The following APBA2 variants were observed in gnomAD, a reference collection of about 807,000 sequenced individuals.
APBA2 encodes amyloid beta precursor protein binding family A member 2.
APBA2 carries 30 observed loss-of-function variants against 75.0 expected under a neutral mutation model. That is an observed-to-expected ratio of 0.40 (90% confidence interval 0.30 to 0.54). APBA2 has a LOEUF of 0.54. APBA2 is among the 20% of genes least tolerant of loss of function. The pLI is 0.49. For synonymous variants in APBA2, 444 were observed against 409.6 expected, an observed-to-expected ratio of 1.08 and a Z score of -1.01; for missense variants, 801 against 1,016.1, an observed-to-expected ratio of 0.79 and a Z score of 2.88.
At chr15:29,016,295 C>T (rs915596051) in intron 3 of APBA2, among the ~76,000 whole-genome samples, 1 of 152,182 alleles carries the variant, frequency 6.6e-6, no homozygotes, top group South Asian at 2.1e-4. Context: ...ACATATCTAC[C>T]TCTGGTCAAC....
At chr15:28,889,530 A>G (rs1454472582) in intron 1 of APBA2, among the ~76,000 whole-genome samples, 8 of 152,206 alleles carry the variant, frequency 5.3e-5, no homozygotes, top group Admixed American at 4.6e-4. Context: ...CTTGCTCCCA[A>G]GAATGGCCCC....
At chr15:28,933,719 C>T (rs768380919) in intron 2 of APBA2, among the ~76,000 whole-genome samples, 5 of 152,212 alleles carry the variant, frequency 3.3e-5, no homozygotes, top group Admixed American at 6.5e-5. Flanking sequence ...CGACAGGTTG[C>T]GTGCTTGGCC....
chr15:29,071,110 A>G (rs1197568242), intron 4 of APBA2: 2 of 455,796 alleles, frequency 4.4e-6, no homozygotes, highest in Non-Finnish European at 8.8e-6. Context: ...GTGAGTGTGC[A>G]CTAGTTTGGT....
intron 3 of APBA2, among the ~76,000 whole-genome samples, chr15:29,022,904 A>G (rs1032593413): frequency 2.6e-5 from 4 of 152,012 alleles, no homozygotes; most frequent in African/African-American, 9.7e-5. Context: ...AAAGTTTTGT[A>G]CACTTTTGTT....
At position 29,108,255 on chromosome 15, in the gene APBA2, C is replaced by A. The variant is rs1481043445; in HGVS notation, c.1918-15C>A. 6.2e-7 allele frequency: 1 copy of A among 1,613,602 alleles called. No homozygotes were observed. Among genetic ancestry groups the A allele is most frequent in the Non-Finnish European group, 8.5e-7 (1 of 1,180,030 alleles). On this transcript the variant is annotated splice_polypyrimidine_tract_variant and intron_variant, in intron 12 of 14. Transcript: ENST00000683413. ...CTAAGGCCCAGCCTGTGACTCCTGT[C>A]CCCGTGCTCTGCAGGGCCTGAAGAA... is the stretch of plus-strand genomic sequence containing the variant.
At chr15:29,093,349 C>A in intron 7 of APBA2, 129 bp downstream of exon 7, 2 of 1,392,712 alleles carry the variant, frequency 1.4e-6, no homozygotes, top group Non-Finnish European at 2.0e-6. Flanking sequence ...GGGGCAGGAG[C>A]GGCCCAGGTG....
At chr15:29,057,420 A>G (rs765048962) in intron 4 of APBA2, among the ~76,000 whole-genome samples, 12 of 152,236 alleles carry the variant, frequency 7.9e-5, no homozygotes, top group Non-Finnish European at 1.5e-4. Context: ...AATAGCATTT[A>G]GTCATTGCAC....
intron 9 of APBA2, among the ~76,000 whole-genome samples, chr15:29,098,809 G>C (rs1567008836): frequency 2.0e-5 from 3 of 152,080 alleles, no homozygotes; most frequent in Non-Finnish European, 2.9e-5. Flanking sequence ...AGACCTGCTG[G>C]GCTACCTGGG....
intron 4 of APBA2, among the ~76,000 whole-genome samples, chr15:29,067,697 TA>T (rs2042437245): frequency 6.6e-6 from 1 of 152,224 alleles, no homozygotes; most frequent in African/African-American, 2.4e-5. Context: ...TCCACAAGTT[TA>T]AATATCCCAG....
intron 3 of APBA2, among the ~76,000 whole-genome samples, chr15:29,025,409 G>A (rs1436436997): frequency 6.6e-6 from 1 of 151,972 alleles, no homozygotes; most frequent in Non-Finnish European, 1.5e-5. Flanking sequence ...GGGACTACAG[G>A]CACGTGCCAC....
chr15:28,972,311 A>G (rs1170053774), intron 2 of APBA2, among the ~76,000 whole-genome samples: 1 of 152,226 alleles, frequency 6.6e-6, no homozygotes, highest in Non-Finnish European at 1.5e-5. Context: ...CAAGTCAAGA[A>G]AACTTTCCTA....
intron 6 of APBA2, among the ~76,000 whole-genome samples, chr15:29,089,668 G>A (rs907013786): frequency 6.6e-6 from 1 of 152,154 alleles, no homozygotes; most frequent in African/African-American, 2.4e-5. Flanking sequence ...CTCTCCAGAG[G>A]GCCTAGGGTT....
intron 1 of APBA2, among the ~76,000 whole-genome samples, chr15:28,902,123 C>A (rs1204973932): frequency 1.3e-5 from 2 of 152,016 alleles, no homozygotes; most frequent in African/African-American, 4.8e-5. Flanking sequence ...GTGGGCTGCA[C>A]ACAGTGACCT....
intron 1 of APBA2, among the ~76,000 whole-genome samples, chr15:28,915,557 A>G (rs1274050254): frequency 2.7e-5 from 4 of 149,068 alleles, no homozygotes; most frequent in African/African-American, 1.0e-4. Context: ...ACATCACACC[A>G]TACTCTATAT....
Position 29,114,090 on chromosome 15 carries a change from C to T in APBA2, c.2178+74C>T, listed in dbSNP as rs2044904018. On this transcript the variant is annotated intron_variant, in intron 14 of 14. Transcript: ENST00000683413. ...CCCGCCTGCCCTCCATGAGCCTCCC[C>T]CGCTCCAGAGGACACAGGGCATCTG... 1.2e-5 allele frequency: 19 copies of T among 1,602,216 alleles called. No individual in the cohort carries two copies. The Middle Eastern group carries it at 5.0e-4, about 42-fold the overall frequency.
At chr15:28,917,918 T>C (rs1180529324) in intron 1 of APBA2, among the ~76,000 whole-genome samples, 1 of 152,190 alleles carries the variant, frequency 6.6e-6, no homozygotes, top group African/African-American at 2.4e-5. Context: ...CACTGCATCC[T>C]GCCCCCGCCC....
intron 2 of APBA2, among the ~76,000 whole-genome samples, chr15:28,988,674 A>T (rs1207706748): frequency 2.0e-5 from 3 of 152,234 alleles, no homozygotes; most frequent in Admixed American, 2.0e-4. Flanking sequence ...TACAAACATA[A>T]GACTATTTGT....
chr15:28,938,148 CAG>C (rs949944329), intron 2 of APBA2, among the ~76,000 whole-genome samples: 3 of 152,160 alleles, frequency 2.0e-5, no homozygotes, highest in Non-Finnish European at 4.4e-5. Context: ...GCCTCCAGAG[CAG>C]AGATTGCCAA....
At chr15:28,972,005 G>A (rs1389335409) in intron 2 of APBA2, among the ~76,000 whole-genome samples, 2 of 152,196 alleles carry the variant, frequency 1.3e-5, no homozygotes, top group African/African-American at 4.8e-5. Flanking sequence ...AACACCATGA[G>A]CCAGCTCTTC....
Sources: gnomAD v4.1 joint callset for allele counts (sites outside exome capture counted in the v4.1 genomes callset) on GRCh38, gnomAD v4.1.1 for gene constraint, MANE v1.5 for transcripts, NCBI Gene and HGNC (gene_info 2026-07-23, HGNC 2026-07-21) for gene names.